The following EPHA5 variants were observed in gnomAD, a reference collection of about 807,000 sequenced individuals.
The protein encoded by EPHA5 is ephrin type-A receptor 5.
In EPHA5, 60 loss-of-function variants were observed where a neutral mutation model predicts 105.0. That is an observed-to-expected ratio of 0.57 (90% CI 0.46 to 0.71). The LOEUF is 0.71. Ranked by LOEUF, EPHA5 falls within the 30% of genes least tolerant of loss-of-function variation. EPHA5 has a pLI of 0.00. For synonymous variants in EPHA5, 513 were observed against 449.1 expected (o/e 1.14, Z -1.80); for missense variants, 1,218 against 1,274.7 (o/e 0.96, Z 0.68).
At chr4:65,361,177 C>T (rs1717275561) in intron 11 of EPHA5, among the ~76,000 whole-genome samples, 1 of 151,478 alleles carries the variant, frequency 6.6e-6, no homozygotes, top group South Asian at 2.1e-4. Context: ...CTCAGCTATT[C>T]AACATAATTG....
At chr4:65,393,183 G>A (rs1327097521) in intron 8 of EPHA5, among the ~76,000 whole-genome samples, 1 of 152,254 alleles carries the variant, frequency 6.6e-6, no homozygotes, top group East Asian at 1.9e-4. Flanking sequence ...AAAGAGTGTA[G>A]AGTGAGAGAT....
At position 65,554,490 on chromosome 4, in the gene EPHA5, C is replaced by T. The variant is rs1490946833; in HGVS notation, c.910+47151G>A. On this transcript the variant is annotated intron_variant, in intron 3 of 16. Transcript: ENST00000613740. ...CAGTAGTTACAAGTGAGAAATAAGA[C>T]AGTAATTGACTAAAATCTGATAGTT... 2.0e-5 allele frequency among the ~76,000 whole-genome samples: 3 copies of T among 150,772 alleles called. No homozygotes were observed. The East Asian group carries it at 5.8e-4, about 29-fold the overall frequency.
intron 4 of EPHA5, among the ~76,000 whole-genome samples, chr4:65,492,342 C>T (rs914009876): frequency 4.0e-5 from 6 of 151,798 alleles, no homozygotes; most frequent in African/African-American, 1.5e-4. Flanking sequence ...GCTGGAATTA[C>T]AGGGGCCCAC....
chr4:65,388,873 G>T (rs989211715), intron 8 of EPHA5, among the ~76,000 whole-genome samples: 1 of 150,732 alleles, frequency 6.6e-6, no homozygotes, highest in East Asian at 1.9e-4. Context: ...GGTGTTTTAG[G>T]CATGAAGTCC....
intron 8 of EPHA5, among the ~76,000 whole-genome samples, chr4:65,394,357 A>G (rs1422434912): frequency 6.6e-6 from 1 of 152,206 alleles, no homozygotes; most frequent in East Asian, 1.9e-4. Flanking sequence ...TATCCTAAAG[A>G]GCAAAGGCCC....
intron 2 of EPHA5, among the ~76,000 whole-genome samples, chr4:65,631,877 G>T (rs1746667345): frequency 2.0e-5 from 3 of 151,896 alleles, no homozygotes; most frequent in Non-Finnish European, 1.5e-5. Flanking sequence ...AATTTATATT[G>T]ATTTTAAATA....
chr4:65,501,154 CT>C (rs1266864932), intron 3 of EPHA5, among the ~76,000 whole-genome samples: 1 of 151,370 alleles, frequency 6.6e-6, no homozygotes, highest in Non-Finnish European at 1.5e-5. Context: ...GGAATTAAAA[CT>C]CAAAACATGT....
At chr4:65,433,781 C>G (rs947268991) in intron 5 of EPHA5, among the ~76,000 whole-genome samples, 2 of 152,130 alleles carry the variant, frequency 1.3e-5, no homozygotes, top group Non-Finnish European at 2.9e-5. Flanking sequence ...AGCACTTTCA[C>G]TTGGCTGGGC....
chr4:65,594,991 C>T (rs1200966990), intron 3 of EPHA5, among the ~76,000 whole-genome samples: 2 of 151,944 alleles, frequency 1.3e-5, no homozygotes, highest in African/African-American at 4.8e-5. Context: ...TAAGCAAATA[C>T]ATTTTTAAAG....
At chr4:65,507,876 A>T (rs1043806792) in intron 3 of EPHA5, among the ~76,000 whole-genome samples, 3 of 152,128 alleles carry the variant, frequency 2.0e-5, no homozygotes, top group Non-Finnish European at 2.9e-5. Context: ...GTATTTGCTT[A>T]TGATAATACA....
chr4:65,417,786 C>T (rs1436635394), intron 6 of EPHA5, among the ~76,000 whole-genome samples: 1 of 151,976 alleles, frequency 6.6e-6, no homozygotes, highest in Non-Finnish European at 1.5e-5. Flanking sequence ...AATAGAAACT[C>T]CTCCCTACCA....
At chr4:65,495,961 A>AATTGTGTTAT (rs1731891773) in intron 3 of EPHA5, among the ~76,000 whole-genome samples, 1 of 152,174 alleles carries the variant, frequency 6.6e-6, no homozygotes, top group African/African-American at 2.4e-5. Flanking sequence ...AGGCACTCAA[A>AATTGTGTTAT]ATTGTGTTAT....
At chr4:65,614,940 G>A (rs1045135284) in intron 2 of EPHA5, among the ~76,000 whole-genome samples, 2 of 151,812 alleles carry the variant, frequency 1.3e-5, no homozygotes, top group Admixed American at 6.6e-5. Flanking sequence ...TTATATTCAT[G>A]CTATAAATCA....
At chr4:65,339,647 G>A (rs1181593213) in intron 14 of EPHA5, among the ~76,000 whole-genome samples, 2 of 152,054 alleles carry the variant, frequency 1.3e-5, no homozygotes, top group Admixed American at 6.5e-5. Flanking sequence ...AAGAAAAAGT[G>A]ACAAAAACAG....
chr4:65,488,643 G>C (rs1731107747), intron 5 of EPHA5, among the ~76,000 whole-genome samples: 1 of 152,092 alleles, frequency 6.6e-6, no homozygotes, highest in Admixed American at 6.6e-5. Context: ...CCTTAGGTTA[G>C]GTAGTAAATG....
intron 15 of EPHA5, among the ~76,000 whole-genome samples, chr4:65,335,533 T>C (rs548903406): frequency 6.6e-6 from 1 of 152,132 alleles, no homozygotes; most frequent in Non-Finnish European, 1.5e-5. Flanking sequence ...AATCAAAGAG[T>C]AATTATTGCT....
At chr4:65,436,694 CA>C (rs1725512769) in intron 5 of EPHA5, among the ~76,000 whole-genome samples, 1 of 151,902 alleles carries the variant, frequency 6.6e-6, no homozygotes, top group African/African-American at 2.4e-5. Context: ...ATGTTTGAAA[CA>C]GTTAAATCAC....
At chr4:65,517,091 T>G (rs1343884241) in intron 3 of EPHA5, among the ~76,000 whole-genome samples, 1 of 152,092 alleles carries the variant, frequency 6.6e-6, no homozygotes, top group Non-Finnish European at 1.5e-5. Flanking sequence ...TATTGTAAAT[T>G]TATCTATTTC....
intron 11 of EPHA5, among the ~76,000 whole-genome samples, chr4:65,360,206 CTTAAG>C (rs1311745026): frequency 6.6e-6 from 1 of 151,672 alleles, no homozygotes; most frequent in East Asian, 1.9e-4. Context: ...ACATTATTAT[CTTAAG>C]TTATTTGTTC....
Sources: gnomAD v4.1 joint callset for allele counts (sites outside exome capture counted in the v4.1 genomes callset) on GRCh38, gnomAD v4.1.1 for gene constraint, MANE v1.5 for transcripts, NCBI Gene and HGNC (gene_info 2026-07-23, HGNC 2026-07-21) for gene names.